STPG2: variants seen among roughly 807,000 people sequenced by gnomAD.
The protein encoded by STPG2 is sperm tail PG-rich repeat containing 2.
Under a neutral mutation model 54.2 loss-of-function variants are expected in STPG2, and 56 were observed. The observed-to-expected ratio is 1.03, with a 90% CI of 0.83 to 1.29. STPG2 has a LOEUF of 1.29. Ranked by LOEUF, STPG2 falls within the 50% of genes most tolerant of loss-of-function variation. STPG2 has a pLI of 0.00. For synonymous variants in STPG2, 200 were observed against 181.8 expected (o/e 1.10, Z -0.81); for missense variants, 596 against 544.9 (o/e 1.09, Z -0.93).
intron 7 of STPG2, among the ~76,000 whole-genome samples, chr4:97,961,178 C>T (rs1364669270): frequency 3.3e-5 from 5 of 151,616 alleles, no homozygotes; most frequent in Non-Finnish European, 5.9e-5. Context: ...CCTCATTTCT[C>T]ACCTTATACA....
In STPG2 at chr4:98,129,388, A is replaced by C. The variant is rs1418722604; in HGVS notation, c.223-796T>G. Reference sequence around the variant, plus strand: ...TCCTGAGTCTTGTATAAATGTCCTAAGTATGCAAGCTATATAGCAGGAAAA... The same window carrying C: ...TCCTGAGTCTTGTATAAATGTCCTACGTATGCAAGCTATATAGCAGGAAAA... On this transcript the variant is annotated intron_variant, in intron 2 of 10. Transcript: ENST00000295268. 2.0e-5 allele frequency among the ~76,000 whole-genome samples: 3 copies of C among 152,298 alleles called. No homozygotes were observed. The East Asian group carries it at 5.8e-4, about 29-fold the overall frequency.
chr4:98,002,421 A>G (rs1426670), intron 5 of STPG2, among the ~76,000 whole-genome samples: 59,792 of 151,732 alleles, frequency 0.39, 12,012 homozygotes, highest in Middle Eastern at 0.46. Context: ...AGAATTTCCC[A>G]TATCTTCTGC....
intron 5 of STPG2, among the ~76,000 whole-genome samples, chr4:98,051,505 A>C (rs1049915017): frequency 6.6e-6 from 1 of 152,068 alleles, no homozygotes; most frequent in Non-Finnish European, 1.5e-5. Context: ...TATAGGAAGG[A>C]AGACAGACCT....
intron 8 of STPG2, among the ~76,000 whole-genome samples, chr4:97,869,493 G>T (rs1205336123): frequency 6.6e-6 from 1 of 151,602 alleles, no homozygotes; most frequent in African/African-American, 2.4e-5. Context: ...GATACATTTA[G>T]ATTTTTAAAA....
At chr4:97,959,618 T>G (rs149632063) in intron 7 of STPG2, among the ~76,000 whole-genome samples, 1 of 151,920 alleles carries the variant, frequency 6.6e-6, no homozygotes, top group Admixed American at 6.6e-5. Context: ...ATGGATAAAT[T>G]CCTGGAAAGA....
chr4:98,074,483 C>T (rs1738097845), intron 5 of STPG2, among the ~76,000 whole-genome samples: 1 of 151,616 alleles, frequency 6.6e-6, no homozygotes, highest in South Asian at 2.1e-4. Context: ...TCCCTTTTGG[C>T]ATATGACCAT....
intron 4 of STPG2, among the ~76,000 whole-genome samples, chr4:97,518,865 C>T (rs943370921): frequency 2.0e-5 from 3 of 152,038 alleles, no homozygotes; most frequent in Admixed American, 6.6e-5. Flanking sequence ...AGGCTCAACA[C>T]CATCCTTTTT....
intron 10 of STPG2, among the ~76,000 whole-genome samples, chr4:97,701,938 C>G (rs1425603522): frequency 6.6e-6 from 1 of 152,098 alleles, no homozygotes; most frequent in Non-Finnish European, 1.5e-5. Context: ...GACGGTGGTT[C>G]CCATTGTTAG....
intron 8 of STPG2, among the ~76,000 whole-genome samples, chr4:97,905,704 G>A (rs1372127645): frequency 1.3e-5 from 2 of 152,054 alleles, no homozygotes; most frequent in African/African-American, 2.4e-5. Flanking sequence ...CTGTATTCAG[G>A]AAACCCATCT....
intron 10 of STPG2, among the ~76,000 whole-genome samples, chr4:97,711,075 T>C (rs1045291069): frequency 3.9e-5 from 6 of 152,024 alleles, no homozygotes; most frequent in African/African-American, 1.4e-4. Flanking sequence ...TCTTAAATAC[T>C]AGAAAGACTA....
intron 7 of STPG2, among the ~76,000 whole-genome samples, chr4:97,945,187 G>GT (rs1315777374): frequency 6.6e-6 from 1 of 152,106 alleles, no homozygotes; most frequent in Middle Eastern, 3.4e-3. Context: ...CCAATAAGTA[G>GT]TTTTTTATCC....
chr4:97,451,299 A>T (rs60745979), intron 4 of STPG2, among the ~76,000 whole-genome samples: 3,438 of 152,230 alleles, frequency 0.023, 109 homozygotes, highest in African/African-American at 0.077. Flanking sequence ...TATGCCCATT[A>T]TATTAAGAGA....
In STPG2 at chr4:97,885,085, G is replaced by A. The variant is rs535713390; in HGVS notation, c.1045-44153C>T. ...TTGATTAAAAAAATAGCTACTAAAG[G>A]TACTACAGAAACGTAACGCTTAACA... On this transcript the variant is annotated intron_variant, in intron 8 of 10. Coordinates refer to ENST00000295268, the MANE Select transcript of STPG2 (RefSeq NM_174952.3). Among the ~76,000 whole-genome samples, 12 of 152,140 alleles carry A rather than the reference G, an allele frequency of 7.9e-5. No homozygotes were observed. In the South Asian group the frequency reaches 2.3e-3, roughly 29 times the overall value.
chr4:97,825,546 C>A lies in STPG2; in HGVS notation c.1204+15227G>T, dbSNP rs532687353. 1.4e-4 allele frequency among the ~76,000 whole-genome samples: 21 copies of A among 152,234 alleles called. 1 individual carries two copies. In the South Asian group the frequency reaches 3.7e-3, roughly 27 times the overall value. On this transcript the variant is annotated intron_variant, in intron 9 of 10. Transcript: ENST00000295268. ...GGTATAAAAATGGGACCCTTAAATT[C>A]TAGAAATCTGTTTTACCTCCCAACT...
chr4:97,587,355 G>A (rs1360101408), intron 10 of STPG2, among the ~76,000 whole-genome samples: 1 of 151,844 alleles, frequency 6.6e-6, no homozygotes, highest in Non-Finnish European at 1.5e-5. Context: ...TGGACCAACA[G>A]GTTTCTTTGT....
intron 5 of STPG2, among the ~76,000 whole-genome samples, chr4:98,094,148 TC>T (rs1362861378): frequency 1.3e-5 from 2 of 152,098 alleles, no homozygotes; most frequent in African/African-American, 4.8e-5. Flanking sequence ...TGAAAGTGAC[TC>T]CTTCCTTCTG....
chr4:97,824,781 T>A (rs879917146), intron 9 of STPG2, among the ~76,000 whole-genome samples: 4 of 152,180 alleles, frequency 2.6e-5, no homozygotes, highest in Non-Finnish European at 5.9e-5. Flanking sequence ...AACTGCCCAA[T>A]GCTGTAGCTC....
At chr4:97,957,687 T>C (rs1476449270) in intron 7 of STPG2, among the ~76,000 whole-genome samples, 1 of 152,094 alleles carries the variant, frequency 6.6e-6, no homozygotes, top group Non-Finnish European at 1.5e-5. Context: ...AGGTAACCTA[T>C]AAAGGAAAAC....
chr4:97,495,957 GAAAT>G (rs1730603409), intron 4 of STPG2, among the ~76,000 whole-genome samples: 2 of 151,434 alleles, frequency 1.3e-5, no homozygotes, highest in Admixed American at 6.6e-5. Flanking sequence ...TGAGAAGAAA[GAAAT>G]GTTTTTTGTG....
Sources: allele counts gnomAD v4.1 joint callset (sites outside exome capture counted in the v4.1 genomes callset), GRCh38; gene constraint gnomAD v4.1.1; transcripts MANE v1.5; gene names NCBI Gene and HGNC (gene_info 2026-07-23, HGNC 2026-07-21).